ADAMTS18: variants seen among roughly 807,000 people sequenced by gnomAD.
The protein encoded by ADAMTS18 is ADAM metallopeptidase with thrombospondin type 1 motif 18, also known as A disintegrin and metalloproteinase with thrombospondin motifs 18.
In ADAMTS18, 157 loss-of-function variants were observed where a neutral mutation model predicts 165.9. The ratio of observed to expected loss-of-function variants is 0.95; its 90% CI spans 0.83 to 1.08. ADAMTS18 has a LOEUF of 1.08. ADAMTS18 is among the 50% of genes least tolerant of loss of function. The pLI is 0.00. For missense variants in ADAMTS18, 2,040 were observed against 1,534.0 expected, an observed-to-expected ratio of 1.33 and a Z score of -5.51; for synonymous variants, 782 against 578.2, an observed-to-expected ratio of 1.35 and a Z score of -5.06.
chr16:77,430,454 C>G (rs913456812), intron 3 of ADAMTS18, among the ~76,000 whole-genome samples: 1 of 152,238 alleles, frequency 6.6e-6, no homozygotes, highest in African/African-American at 2.4e-5. Flanking sequence ...ATGTACATTA[C>G]TCACTACATC....
chr16:77,332,408 G>A (rs2056203902), intron 12 of ADAMTS18, among the ~76,000 whole-genome samples: 1 of 152,120 alleles, frequency 6.6e-6, no homozygotes, highest in South Asian at 2.1e-4. Flanking sequence ...AAACCACACA[G>A]ATCCCAGAAC....
At chr16:77,320,675 A>G (rs1267234436) in intron 15 of ADAMTS18, among the ~76,000 whole-genome samples, 1 of 152,078 alleles carries the variant, frequency 6.6e-6, no homozygotes, top group Non-Finnish European at 1.5e-5. Context: ...GCTTAGAACC[A>G]TGTATCTTCA....
At chr16:77,344,489 G>A (rs2056446687) in intron 10 of ADAMTS18, among the ~76,000 whole-genome samples, 2 of 151,984 alleles carry the variant, frequency 1.3e-5, no homozygotes, top group Admixed American at 6.6e-5. Context: ...TAAGAGAGCC[G>A]CCTATGTGAA....
chr16:77,291,152 C>CTTAGTTGTTTTTACTTAGACAACCA, intron 21 of ADAMTS18, 114 bp downstream of exon 21: 5 of 1,194,818 alleles, frequency 4.2e-6, no homozygotes, highest in Non-Finnish European at 2.4e-6. Flanking sequence ...AACTTGAGCC[C>CTTAGTTGTTTTTACTTAGACAACCA]TTAGTTGTTT....
chr16:77,300,087 T>C, intron 17 of ADAMTS18, 176 bp downstream of exon 17: 1 of 701,322 alleles, frequency 1.4e-6, no homozygotes, highest in South Asian at 1.9e-5. Context: ...GTTGATTCCT[T>C]ACCACATAGG....
At chr16:77,341,572 T>C in intron 11 of ADAMTS18, 132 bp downstream of exon 11, 1 of 759,778 alleles carries the variant, frequency 1.3e-6, no homozygotes, top group Non-Finnish European at 2.3e-6. Flanking sequence ...TGCTATATAA[T>C]GTTGTTAATA....
intron 3 of ADAMTS18, among the ~76,000 whole-genome samples, chr16:77,426,964 T>C (rs1234719805): frequency 6.6e-6 from 1 of 152,184 alleles, no homozygotes; most frequent in Non-Finnish European, 1.5e-5. Flanking sequence ...CAGTGAGCCA[T>C]GATTATACCA....
rs75252685 is a variant in ADAMTS18 at position 77,307,378 on chromosome 16, G to A, written c.2533-6974C>T. ...AGGTATCATCATTGCTATTATGTGT[G>A]AGTGATTGAATTTGACAAGAGACAG... On this transcript the variant is annotated intron_variant, in intron 16 of 22. Coordinates refer to ENST00000282849, the MANE Select transcript of ADAMTS18 (RefSeq NM_199355.4). 4.0e-3 allele frequency among the ~76,000 whole-genome samples: 607 copies of A among 152,302 alleles called. 11 individuals carry two copies. The highest frequency in any genetic ancestry group is 0.013 in the African/African-American group (551 of 41,562).
At chr16:77,318,698 A>T (rs2055931678) in intron 16 of ADAMTS18, among the ~76,000 whole-genome samples, 1 of 151,970 alleles carries the variant, frequency 6.6e-6, no homozygotes, top group African/African-American at 2.4e-5. Flanking sequence ...AAAGACTCTG[A>T]CTCCAGTTCA....
rs539940391 is a variant in ADAMTS18, at chr16:77,417,392, A to C, written c.495+13903T>G. Among the ~76,000 whole-genome samples, 556 of 152,310 alleles carry C rather than the reference A, an allele frequency of 3.7e-3. 13 individuals are homozygous for C. The highest frequency in any genetic ancestry group is 5.4e-4 in the Non-Finnish European group (37 of 68,032). On this transcript the variant is annotated intron_variant, in intron 3 of 22. Transcript: ENST00000282849. ...TACTGGCAGCTAGAAACACAAGCCC[A>C]AAGTGACTTTGACTTTGCTTACCTT...
chr16:77,404,122 C>T (rs950516546), intron 3 of ADAMTS18, among the ~76,000 whole-genome samples: 24 of 151,586 alleles, frequency 1.6e-4, no homozygotes, highest in Non-Finnish European at 2.2e-4. Context: ...AAACAAAAAG[C>T]TTTGCCCTTT....
At chr16:77,365,243 G>A (rs1321055415) in intron 4 of ADAMTS18, among the ~76,000 whole-genome samples, 1 of 152,164 alleles carries the variant, frequency 6.6e-6, no homozygotes, top group Non-Finnish European at 1.5e-5. Flanking sequence ...ATTTTGTGGG[G>A]AGAAATTTTG....
chr16:77,290,772 C>T, intron 21 of ADAMTS18: 1 of 170,064 alleles, frequency 5.9e-6, no homozygotes, highest in South Asian at 1.5e-4. Flanking sequence ...GTATCCTTGG[C>T]TGAATTGCCT....
intron 12 of ADAMTS18, among the ~76,000 whole-genome samples, chr16:77,332,130 G>A (rs1231210689): frequency 6.6e-6 from 1 of 152,178 alleles, no homozygotes; most frequent in Non-Finnish European, 1.5e-5. Flanking sequence ...TAAGTTGTCT[G>A]TGGTCATAGA....
chr16:77,427,478 G>A (rs773231330), intron 3 of ADAMTS18, among the ~76,000 whole-genome samples: 1 of 152,164 alleles, frequency 6.6e-6, no homozygotes, highest in South Asian at 2.1e-4. Flanking sequence ...GAGGGAGGCT[G>A]GATATAGTAG....
At chr16:77,383,959 C>T (rs2057070133) in intron 3 of ADAMTS18, among the ~76,000 whole-genome samples, 1 of 152,050 alleles carries the variant, frequency 6.6e-6, no homozygotes, top group African/African-American at 2.4e-5. Flanking sequence ...CTCAGTCAGC[C>T]TTTTTTCCCC....
intron 12 of ADAMTS18, among the ~76,000 whole-genome samples, chr16:77,332,831 G>A (rs1307897212): frequency 6.6e-6 from 1 of 152,088 alleles, no homozygotes. Context: ...TGTCACAGTG[G>A]GACTTTCTGT....
chr16:77,321,944 T>C (rs1742050404), intron 14 of ADAMTS18, among the ~76,000 whole-genome samples: 1 of 151,932 alleles, frequency 6.6e-6, no homozygotes, highest in South Asian at 2.1e-4. Context: ...TCACCTGAAG[T>C]CAGGAGTTCA....
chr16:77,428,713 T>C (rs2144862728), intron 3 of ADAMTS18, among the ~76,000 whole-genome samples: 1 of 152,304 alleles, frequency 6.6e-6, no homozygotes, highest in Non-Finnish European at 1.5e-5. Context: ...TGAGTACTGA[T>C]ATGACACTCA....
Sources: allele counts gnomAD v4.1 joint callset (sites outside exome capture counted in the v4.1 genomes callset), GRCh38; gene constraint gnomAD v4.1.1; transcripts MANE v1.5; gene names NCBI Gene and HGNC (gene_info 2026-07-23, HGNC 2026-07-21).